The following TNFSF4 variants were observed in gnomAD, a reference collection of about 807,000 sequenced individuals.
The protein encoded by TNFSF4 is TNF superfamily member 4, also known as tumor necrosis factor ligand superfamily member 4.
TNFSF4 carries 4 observed loss-of-function variants against 7.3 expected under a neutral mutation model. The observed-to-expected ratio is 0.55, with a 90% CI of 0.27 to 1.25. The LOEUF is 1.25. Ranked by LOEUF, TNFSF4 falls within the 50% of genes most tolerant of loss-of-function variation. TNFSF4 has a pLI of 0.12. For synonymous variants in TNFSF4, 76 were observed against 83.7 expected (o/e 0.91, Z 0.50); for missense variants, 181 against 208.8 (o/e 0.87, Z 0.82).
At chr1:173,238,173 A>C in the TNFSF4 span, among the ~76,000 whole-genome samples, 1 of 152,250 alleles carries the variant, frequency 6.6e-6, no homozygotes, top group Non-Finnish European at 1.5e-5. Context: ...TTTCCTATTC[A>C]ATAAATGGTG....
upstream of TNFSF4, among the ~76,000 whole-genome samples, chr1:173,208,609 G>A (rs188545311): frequency 6.6e-6 from 1 of 152,236 alleles, no homozygotes; most frequent in East Asian, 1.9e-4. Flanking sequence ...GAAAGATAAG[G>A]TAACTAAGGC....
At chr1:173,421,164 A>C in the TNFSF4 span, among the ~76,000 whole-genome samples, 2 of 152,252 alleles carry the variant, frequency 1.3e-5, no homozygotes, top group African/African-American at 2.4e-5. Context: ...TTTGAATTTC[A>C]GATAAACAAC....
chr1:173,387,899 T>C, the TNFSF4 span, among the ~76,000 whole-genome samples: 1 of 152,192 alleles, frequency 6.6e-6, no homozygotes, highest in East Asian at 1.9e-4. Flanking sequence ...TGAATGAAAG[T>C]GAAGGATGGA....
the TNFSF4 span, among the ~76,000 whole-genome samples, chr1:173,292,085 GA>G: frequency 6.6e-6 from 1 of 151,682 alleles, no homozygotes; most frequent in Non-Finnish European, 1.5e-5. Flanking sequence ...CAATCCTACT[GA>G]AATTATTCCA....
chr1:173,287,297 T>A, the TNFSF4 span, among the ~76,000 whole-genome samples: 985 of 152,310 alleles, frequency 6.5e-3, 6 homozygotes, highest in Non-Finnish European at 0.011. Flanking sequence ...ATTGTGCCAC[T>A]GCACTCCAAC....
At chr1:173,323,797 A>G in the TNFSF4 span, among the ~76,000 whole-genome samples, 1 of 152,208 alleles carries the variant, frequency 6.6e-6, no homozygotes. Context: ...TAAAGCATGA[A>G]GAGAAGTTTA....
chr1:173,245,282 T>C, the TNFSF4 span, among the ~76,000 whole-genome samples: 783 of 152,350 alleles, frequency 5.1e-3, 6 homozygotes, highest in African/African-American at 0.017. Context: ...AAAAATATTT[T>C]GCTGTTGCTG....
chr1:173,311,871 A>C, the TNFSF4 span, among the ~76,000 whole-genome samples: 26 of 152,246 alleles, frequency 1.7e-4, no homozygotes, highest in African/African-American at 6.0e-4. Context: ...GGTAATGGAC[A>C]CATCCTCTGA....
At chr1:173,299,810 G>A in the TNFSF4 span, among the ~76,000 whole-genome samples, 1 of 151,852 alleles carries the variant, frequency 6.6e-6, no homozygotes, top group African/African-American at 2.4e-5. Context: ...AACATGTAAA[G>A]TTGGGAGGGG....
the TNFSF4 span, among the ~76,000 whole-genome samples, chr1:173,420,809 T>G: frequency 6.6e-6 from 1 of 152,364 alleles, no homozygotes; most frequent in African/African-American, 2.4e-5. Context: ...AAATTATTAC[T>G]GTGTAAGTCT....
the TNFSF4 span, among the ~76,000 whole-genome samples, chr1:173,434,016 A>G: frequency 6.6e-6 from 1 of 152,196 alleles, no homozygotes; most frequent in Non-Finnish European, 1.5e-5. Flanking sequence ...CAGAATGCCA[A>G]AGATTACCAG....
the TNFSF4 span, among the ~76,000 whole-genome samples, chr1:173,411,660 G>A: frequency 1.3e-5 from 2 of 151,980 alleles, no homozygotes; most frequent in Non-Finnish European, 2.9e-5. Flanking sequence ...AAATTAGCTG[G>A]ACATGGTGAC....
the TNFSF4 span, among the ~76,000 whole-genome samples, chr1:173,348,175 A>G: frequency 6.6e-6 from 1 of 152,244 alleles, no homozygotes; most frequent in Non-Finnish European, 1.5e-5. Flanking sequence ...TATAGCTCCC[A>G]TAATTCCCTC....
chr1:173,431,774 G>A, the TNFSF4 span, among the ~76,000 whole-genome samples: 1 of 152,210 alleles, frequency 6.6e-6, no homozygotes, highest in African/African-American at 2.4e-5. Context: ...GTGTAATGAA[G>A]TTTAGTGTTG....
the TNFSF4 span, among the ~76,000 whole-genome samples, chr1:173,217,894 C>T: frequency 1.3e-5 from 2 of 152,010 alleles, no homozygotes; most frequent in South Asian, 2.1e-4. Flanking sequence ...GACACAGGAA[C>T]GTGCCACCAT....
the TNFSF4 span, among the ~76,000 whole-genome samples, chr1:173,247,205 G>A: frequency 2.0e-5 from 3 of 152,168 alleles, no homozygotes; most frequent in Non-Finnish European, 4.4e-5. Context: ...GAGGTAAGGA[G>A]TTCCCTGTCA....
chr1:173,306,677 TC>T, the TNFSF4 span, among the ~76,000 whole-genome samples: 83 of 151,886 alleles, frequency 5.5e-4, no homozygotes, highest in Non-Finnish European at 1.0e-3. Context: ...ACTTACACAT[TC>T]CCTTTATCCA....
At chr1:173,188,448 T>C (rs1649325359) in intron 2 of TNFSF4, 73 bp downstream of exon 2, 2 of 1,186,226 alleles carry the variant, frequency 1.7e-6, no homozygotes, top group South Asian at 2.6e-5. Context: ...TCTTGTGTTC[T>C]AGAGGAAATT....
the TNFSF4 span, among the ~76,000 whole-genome samples, chr1:173,405,486 A>G: frequency 6.6e-6 from 1 of 152,244 alleles, no homozygotes; most frequent in East Asian, 1.9e-4. Flanking sequence ...GCCAGAATCT[A>G]TTAAGGGCTC....
Sources: gnomAD v4.1 joint callset for allele counts (sites outside exome capture counted in the v4.1 genomes callset) on GRCh38, gnomAD v4.1.1 for gene constraint, MANE v1.5 for transcripts, NCBI Gene and HGNC (gene_info 2026-07-23, HGNC 2026-07-21) for gene names.